ATM: variants seen among roughly 807,000 people sequenced by gnomAD.
ATM encodes the protein ATM serine/threonine kinase.
In ATM, 308 loss-of-function variants were observed where a neutral mutation model predicts 387.0. The ratio of observed to expected loss-of-function variants is 0.80; its 90% CI spans 0.73 to 0.87. The LOEUF is 0.87. Among genes scored for constraint, ATM ranks in the 40% least tolerant of loss-of-function variants. The probability of loss-of-function intolerance (pLI) is 0.00; values close to 1 mark genes in which losing one functional copy is unlikely to be tolerated. For synonymous variants in ATM, 1,156 were observed against 1,187.3 expected (o/e 0.97, Z 0.54); for missense variants, 3,312 against 3,560.9 (o/e 0.93, Z 1.78).
intron 56 of ATM, among the ~76,000 whole-genome samples, chr11:108,340,724 GA>G (rs1398075449): frequency 1.3e-5 from 2 of 152,106 alleles, no homozygotes; most frequent in African/African-American, 4.8e-5. Flanking sequence ...ATCTGTGGGG[GA>G]TTGTTTCCAG....
chr11:108,259,147 G>A (rs1463381884), intron 16 of ATM, 72 bp downstream of exon 16: 2 of 1,257,012 alleles, frequency 1.6e-6, no homozygotes, highest in South Asian at 1.2e-5. Flanking sequence ...AAATATCTTT[G>A]TAAATAAGGA....
At chr11:108,247,997 G>A (rs1158935607) in intron 8 of ATM, among the ~76,000 whole-genome samples, 1 of 152,076 alleles carries the variant, frequency 6.6e-6, no homozygotes, top group Non-Finnish European at 1.5e-5. Context: ...AATCAATCTT[G>A]GTTTTTGTGG....
At chr11:108,229,877 T>A (rs1228062339) in intron 4 of ATM, 1 of 153,908 alleles carries the variant, frequency 6.5e-6, no homozygotes, top group Non-Finnish European at 1.4e-5. Context: ...GAGGTGTTAT[T>A]TCACTGTTCT....
intron 56 of ATM, among the ~76,000 whole-genome samples, chr11:108,336,944 T>G (rs2086921558): frequency 6.6e-6 from 1 of 152,242 alleles, no homozygotes; most frequent in Admixed American, 6.5e-5. Context: ...TTCCTGTACC[T>G]CATTTTTAAA....
At position 108,308,997 on chromosome 11, in the gene ATM, C is replaced by T. The variant is rs892960117; in HGVS notation, c.5762+1013C>T. On this transcript the variant is annotated intron_variant, in intron 38 of 62. Transcript: ENST00000675843. ...TACCATTGGGGTAGAATGGTGTTGA[C>T]ATTAGCAGGAGTTGGAGAAGATAAA... 4.6e-6 allele frequency: 7 copies of T among 1,527,500 alleles called. No homozygotes were observed. The African/African-American group carries it at 6.9e-5, about 15-fold the overall frequency. 94.6% of individuals were successfully genotyped at this position (1,527,500 alleles called of 1,614,324 possible).
intron 22 of ATM, among the ~76,000 whole-genome samples, chr11:108,275,762 GT>G (rs1484014013): frequency 6.6e-6 from 1 of 152,308 alleles, no homozygotes; most frequent in East Asian, 1.9e-4. Context: ...CCCTTTGTGG[GT>G]AACCCGACCT....
At chr11:108,329,374 T>G (rs934810938) in intron 49 of ATM, 136 bp downstream of exon 49, 3 of 804,984 alleles carry the variant, frequency 3.7e-6, no homozygotes, top group Non-Finnish European at 5.9e-6. Context: ...ATATATAGAT[T>G]ATCTTGGTCT....
intron 1 of ATM, chr11:108,225,504 C>T (rs181983229): frequency 1.1e-4 from 16 of 152,238 alleles, no homozygotes; most frequent in East Asian, 9.7e-4. Context: ...GAGACAGTCT[C>T]GCTCTGTCGC....
intron 8 of ATM, among the ~76,000 whole-genome samples, chr11:108,247,739 G>A (rs1169615316): frequency 6.6e-6 from 1 of 152,164 alleles, no homozygotes; most frequent in South Asian, 2.1e-4. Context: ...GGGACTACAG[G>A]TGCCTGCCAC....
At chr11:108,246,124 G>A (rs1426001875) in intron 7 of ATM, among the ~76,000 whole-genome samples, 1 of 151,936 alleles carries the variant, frequency 6.6e-6, no homozygotes, top group Non-Finnish European at 1.5e-5. Context: ...GTGCCCGGCC[G>A]TGTAGCCACT....
chr11:108,306,696 T>G (rs1359646875), intron 37 of ATM, among the ~76,000 whole-genome samples: 1 of 152,242 alleles, frequency 6.6e-6, no homozygotes, highest in Non-Finnish European at 1.5e-5. Context: ...CATATTTTTG[T>G]AAAATTTAAA....
chr11:108,301,839 T>A (rs1555105884), intron 35 of ATM, 50 bp downstream of exon 35: 9 of 1,592,154 alleles, frequency 5.7e-6, no homozygotes, highest in Non-Finnish European at 7.7e-6. Flanking sequence ...TCTAAAACAG[T>A]TCTGTTTGCT....
At chr11:108,353,626 G>GA (rs1158656689) in intron 59 of ATM, 140 bp from the exon 60 acceptor site, 2 of 693,666 alleles carry the variant, frequency 2.9e-6, no homozygotes, top group Non-Finnish European at 5.1e-6. Context: ...AGCCAGAGCA[G>GA]AAGTAAACTA....
In ATM at chr11:108,230,275, G is replaced by A. The variant is rs946152992; in HGVS notation, c.331+952G>A. The A allele has an allele frequency of 2.0e-5, 3 of 152,138 alleles. No individual in the cohort carries two copies. In the East Asian group the frequency reaches 5.8e-4, roughly 29 times the overall value. The allele number at this position is 152,138 out of a possible 1,614,324, so 9.4% of individuals were successfully genotyped here. On this transcript the variant is annotated intron_variant, in intron 4 of 62. Transcript: ENST00000675843. ...TACTAAAAATACAAAAATTAATTGG[G>A]CATTGTGGCGCACGCTTGTAATTCC...
intron 44 of ATM, 85 bp downstream of exon 44, chr11:108,320,143 A>G: frequency 9.5e-7 from 1 of 1,053,086 alleles, no homozygotes; most frequent in Non-Finnish European, 1.5e-6. Context: ...ATTTTAATGT[A>G]AGGATTTGCA....
rs771065430 is a variant in ATM at position 108,271,285 on chromosome 11, G to A, written c.2956G>A (p.Val986Ile). 6.2e-7 allele frequency: 1 copy of A among 1,611,342 alleles called. No individual in the cohort carries two copies. The highest frequency in any genetic ancestry group is 1.1e-5 in the South Asian group (1 of 91,014). Residue 986 changes from valine (V) to isoleucine (I), a missense_variant, in exon 20 of 63, where the codon GTT becomes ATT. This residue lies in a region of ATM where 1,791 missense variants were observed against 1,804.5 expected (regional missense o/e 0.99). Coordinates refer to ENST00000675843, the MANE Select transcript of ATM (RefSeq NM_000051.4). ...TTCTTTGTATCGTCGTGACCAAGAT[G>A]TTTGTAAAACTATTTTAAACCATGT... ...VCSLYRRDQD[V>I]CKTILNHVLH...
chr11:108,292,808 C>T lies in ATM; in HGVS notation c.4611+15C>T. 4.3e-6 allele frequency: 7 copies of T among 1,612,452 alleles called. No homozygotes were observed. The highest frequency in any genetic ancestry group is 5.9e-6 in the Non-Finnish European group (7 of 1,178,758). On this transcript the variant is annotated intron_variant, in intron 30 of 62. Transcript: ENST00000675843. ...TTCAGAAACAGGTAATTTTCTGACT[C>T]ATCTTCAAAATGGTATTTAAAATAT...
intron 1 of ATM, chr11:108,226,476 T>C (rs1272585884): frequency 6.6e-6 from 1 of 152,226 alleles, no homozygotes; most frequent in Non-Finnish European, 1.5e-5. Context: ...TAGTTGATCC[T>C]TGATATTTGC....
chr11:108,254,034 T>C lies in ATM; in HGVS notation c.2119T>C (p.Ser707Pro), dbSNP rs4986761. ...LSEQLLNNYS[S>P]EITNSETLVR... ...AGAACAGCTTCTGAATAATTACTCA[T>C]CTGAGGTGAGATTTTTTAAAAAAAG... is the stretch of plus-strand genomic sequence containing the variant. The change falls in exon 13 of 63, where the codon TCT becomes CCT. Residue 707 changes from serine (S) to proline (P), a missense_variant. Around this residue, in one of 4 missense-constraint regions of ATM, gnomAD observed 1,791 missense variants for 1,804.5 expected, o/e 0.99. Transcript: ENST00000675843. The C allele has an allele frequency of 0.011, 17,270 of 1,613,392 alleles. 130 individuals carry two copies. The highest frequency in any genetic ancestry group is 0.013 in the Non-Finnish European group (15,073 of 1,179,718).
Sources: allele counts gnomAD v4.1 joint callset (sites outside exome capture counted in the v4.1 genomes callset), GRCh38; gene constraint gnomAD v4.1.1; regional missense constraint gnomAD v4.1.1; transcripts MANE v1.5; gene names NCBI Gene and HGNC (gene_info 2026-07-23, HGNC 2026-07-21).